Variants in EGFR observed in about 807,000 individuals in gnomAD.
The protein encoded by EGFR is epidermal growth factor receptor.
EGFR carries 58 observed loss-of-function variants against 143.0 expected under a neutral mutation model. That is an observed-to-expected ratio of 0.41 (90% CI 0.33 to 0.50). EGFR has a LOEUF of 0.50. EGFR is among the 20% of genes least tolerant of loss of function. EGFR has a pLI of 0.39. For missense variants in EGFR, 1,307 were observed against 1,579.0 expected (o/e 0.83, Z 2.92); for synonymous variants, 613 against 594.4 (o/e 1.03, Z -0.45).
intron 15 of EGFR, chr7:55,170,466 G>C (rs201419843): frequency 6.2e-7 from 1 of 1,614,156 alleles, no homozygotes; most frequent in African/African-American, 1.3e-5. Flanking sequence ...CAGAGTTTCA[G>C]CTGGGTTGGG....
At chr7:55,074,478 G>A (rs904348398) in intron 1 of EGFR, among the ~76,000 whole-genome samples, 4 of 152,246 alleles carry the variant, frequency 2.6e-5, no homozygotes, top group Admixed American at 2.6e-4. Flanking sequence ...GAAAGTGTAA[G>A]TGGTGACATC....
chr7:55,190,979 C>A (rs1169891305), intron 20 of EGFR, among the ~76,000 whole-genome samples: 1 of 152,152 alleles, frequency 6.6e-6, no homozygotes, highest in Non-Finnish European at 1.5e-5. Context: ...GTGCATGTGA[C>A]AAGGACACCA....
intron 1 of EGFR, among the ~76,000 whole-genome samples, chr7:55,075,888 C>T (rs560716478): frequency 6.6e-6 from 1 of 152,274 alleles, no homozygotes; most frequent in Non-Finnish European, 1.5e-5. Flanking sequence ...GGCTGGCTTT[C>T]AAGGGGTGGG....
chr7:55,191,978 C>CCAGAATGTCTGGAG, intron 21 of EGFR, 104 bp downstream of exon 21: 1 of 1,547,876 alleles, frequency 6.5e-7, no homozygotes, highest in Non-Finnish European at 8.8e-7. Flanking sequence ...GGATGCTCTC[C>CCAGAATGTCTGGAG]AGACATTCTG....
intron 26 of EGFR, among the ~76,000 whole-genome samples, 198 bp from the exon 27 acceptor site, chr7:55,202,319 A>T (rs552735638): frequency 6.6e-6 from 1 of 152,246 alleles, no homozygotes; most frequent in Non-Finnish European, 1.5e-5. Context: ...GTTCTGCTGT[A>T]CAGCACCCAG....
intron 22 of EGFR, among the ~76,000 whole-genome samples, chr7:55,195,010 T>G (rs1254122540): frequency 6.6e-6 from 1 of 152,216 alleles, no homozygotes; most frequent in Non-Finnish European, 1.5e-5. Flanking sequence ...CGCAACACCT[T>G]CCAGCCCATT....
rs545204668 is a variant in EGFR at position 55,040,489 on chromosome 7, G to A, written c.88+21124G>A. On this transcript the variant is annotated intron_variant, in intron 1 of 27. Coordinates refer to ENST00000275493, the MANE Select transcript of EGFR (RefSeq NM_005228.5). ...TATAAAATGGACAGATTAAACCTAG[G>A]CAATTTATTTTACTCATTGCTGTAT... 7.9e-5 allele frequency among the ~76,000 whole-genome samples: 12 copies of A among 152,120 alleles called. No individual in the cohort carries two copies. In the East Asian group the frequency reaches 1.9e-3, roughly 24 times the overall value.
chr7:55,174,610 G>GT lies in EGFR; in HGVS notation c.2185-111dup. 4 of 935,880 alleles carry GT rather than the reference G, an allele frequency of 4.3e-6. No individual in the cohort carries two copies. In the South Asian group the frequency reaches 5.2e-5, roughly 12 times the overall value. The allele number at this position is 935,880 out of a possible 1,614,324, so 58.0% of individuals were successfully genotyped here. A position where few individuals can be genotyped will look rare whatever the true frequency, so the allele number is the denominator to read the frequency against. ...CCTTAGGTGCGGCTCCACAGCCCCA[G>GT]TGTCCCTCACCTTCGGGGTGCATCG... On this transcript the variant is annotated intron_variant, in intron 18 of 27. Coordinates refer to ENST00000275493, the MANE Select transcript of EGFR (RefSeq NM_005228.5).
intron 1 of EGFR, among the ~76,000 whole-genome samples, chr7:55,057,402 G>A (rs1788894014): frequency 6.6e-6 from 1 of 152,078 alleles, no homozygotes; most frequent in African/African-American, 2.4e-5. Flanking sequence ...ACAAAACCCA[G>A]CCCTTCAAAG....
chr7:55,081,965 G>A (rs536467591), intron 1 of EGFR, among the ~76,000 whole-genome samples: 4 of 152,078 alleles, frequency 2.6e-5, no homozygotes, highest in African/African-American at 4.8e-5. Context: ...CTGCCTTTAC[G>A]ATATCACTCT....
At chr7:55,136,211 T>G (rs1269152926) in intron 1 of EGFR, among the ~76,000 whole-genome samples, 1 of 152,248 alleles carries the variant, frequency 6.6e-6, no homozygotes, top group Non-Finnish European at 1.5e-5. Flanking sequence ...AAGTTCATCC[T>G]ATAAATGAAC....
chr7:55,122,730 C>T (rs941585513), intron 1 of EGFR, among the ~76,000 whole-genome samples: 2 of 152,218 alleles, frequency 1.3e-5, no homozygotes, highest in African/African-American at 4.8e-5. Flanking sequence ...GGACACTTTC[C>T]TTAGTTGTTC....
At chr7:55,113,190 G>C (rs1207488936) in intron 1 of EGFR, among the ~76,000 whole-genome samples, 1 of 152,174 alleles carries the variant, frequency 6.6e-6, no homozygotes, top group East Asian at 1.9e-4. Flanking sequence ...TAAATAGGAA[G>C]CTCCGTGAAT....
chr7:55,099,879 T>C (rs1791700581), intron 1 of EGFR, among the ~76,000 whole-genome samples: 3 of 152,118 alleles, frequency 2.0e-5, no homozygotes. Context: ...GGAAACTTTT[T>C]AATGGAAAAG....
chr7:55,194,681 C>T (rs1013930673), intron 22 of EGFR, among the ~76,000 whole-genome samples: 11 of 152,188 alleles, frequency 7.2e-5, no homozygotes, highest in East Asian at 1.9e-4. Context: ...TGTGTGCCAG[C>T]GCAATGCCCA....
chr7:55,042,118 G>A (rs1376858437), intron 1 of EGFR, among the ~76,000 whole-genome samples: 1 of 152,170 alleles, frequency 6.6e-6, no homozygotes, highest in Non-Finnish European at 1.5e-5. Flanking sequence ...ATTTTTGCAT[G>A]AAATATGATA....
intron 1 of EGFR, among the ~76,000 whole-genome samples, chr7:55,115,307 C>T (rs903748592): frequency 6.6e-6 from 1 of 152,202 alleles, no homozygotes; most frequent in Non-Finnish European, 1.5e-5. Flanking sequence ...GGCATGATCT[C>T]TTAACCTCAC....
intron 1 of EGFR, among the ~76,000 whole-genome samples, chr7:55,068,568 G>A (rs1309672582): frequency 1.3e-5 from 2 of 152,110 alleles, no homozygotes; most frequent in African/African-American, 4.8e-5. Flanking sequence ...ATCACTAGCC[G>A]GGGGGCTCCG....
At chr7:55,192,367 G>A (rs1468448879) in intron 21 of EGFR, among the ~76,000 whole-genome samples, 4 of 152,126 alleles carry the variant, frequency 2.6e-5, no homozygotes, top group East Asian at 1.9e-4. Context: ...TAAGGGGTGC[G>A]CGTCCCCTGT....
Sources: allele counts gnomAD v4.1 joint callset (sites outside exome capture counted in the v4.1 genomes callset), GRCh38; gene constraint gnomAD v4.1.1; transcripts MANE v1.5; gene names NCBI Gene and HGNC (gene_info 2026-07-23, HGNC 2026-07-21).